GTSE1: variants seen among roughly 807,000 people sequenced by gnomAD.
GTSE1 encodes G2 and S phase-expressed protein 1.
In GTSE1, 52 loss-of-function variants were observed where a neutral mutation model predicts 60.5. The observed-to-expected ratio is 0.86, with a 90% CI of 0.69 to 1.08. The LOEUF is 1.08. Ranked by LOEUF, GTSE1 falls within the 50% of genes least tolerant of loss-of-function variation. The probability of loss-of-function intolerance (pLI) is 0.00; values close to 1 mark genes in which losing one functional copy is unlikely to be tolerated. For missense variants in GTSE1, 937 were observed against 961.8 expected, an observed-to-expected ratio of 0.97 and a Z score of 0.34; for synonymous variants, 368 against 386.5, an observed-to-expected ratio of 0.95 and a Z score of 0.56.
intron 8 of GTSE1, 66 bp from the exon 9 acceptor site, chr22:46,326,370 C>A: frequency 1.5e-6 from 2 of 1,355,574 alleles, no homozygotes; most frequent in Non-Finnish European, 2.1e-6. Flanking sequence ...TTAGCACAGG[C>A]TGAATGATGA....
rs1201299034 is a variant in GTSE1 at position 46,320,398 on chromosome 22, C to T, written c.1433-2792C>T. Among the ~76,000 whole-genome samples, 2 of 152,144 alleles carry T rather than the reference C, an allele frequency of 1.3e-5. No homozygotes were observed. The highest frequency in any genetic ancestry group is 6.5e-5 in the Admixed American group (1 of 15,288). ...TTCATCAGGGTCAAAACTGGTCCCA[C>T]AAACTCAGCACTGGCCGGAAGAGAG... On this transcript the variant is annotated intron_variant, in intron 7 of 11. Transcript: ENST00000454366. The surrounding 1 kb of genome is among the most constrained non-coding windows in gnomAD (Gnocchi z 7.1).
At chr22:46,300,819 T>A (rs1019113543) in intron 2 of GTSE1, among the ~76,000 whole-genome samples, 3 of 152,230 alleles carry the variant, frequency 2.0e-5, no homozygotes, top group Non-Finnish European at 4.4e-5. Context: ...ATTAGAAGTT[T>A]CTGAAATTGA....
chr22:46,301,438 C>A (rs532783140), intron 2 of GTSE1, among the ~76,000 whole-genome samples: 32 of 151,990 alleles, frequency 2.1e-4, no homozygotes, highest in African/African-American at 7.5e-4. Context: ...TGAGTTTTGC[C>A]AGTCATATAG....
chr22:46,320,643 G>A lies in GTSE1; in HGVS notation c.1433-2547G>A, dbSNP rs1009066789. 2.5e-4 allele frequency among the ~76,000 whole-genome samples: 38 copies of A among 152,328 alleles called. No individual in the cohort carries two copies. Among genetic ancestry groups the A allele is most frequent in the African/African-American group, 8.7e-4 (36 of 41,576 alleles). ...ATATGTGCACTTTCTCAAAATACTC[G>A]AGGCAAGCAGCATTCTTTGTAAAAC... On this transcript the variant is annotated intron_variant, in intron 7 of 11. Coordinates refer to ENST00000454366, the MANE Select transcript of GTSE1 (RefSeq NM_016426.7). The surrounding 1 kb of genome is among the most constrained non-coding windows in gnomAD (Gnocchi z 7.1).
chr22:46,299,260 G>A (rs879777673), intron 2 of GTSE1, among the ~76,000 whole-genome samples: 2 of 152,230 alleles, frequency 1.3e-5, no homozygotes, highest in Admixed American at 6.5e-5. Context: ...CCTGCTCTGG[G>A]ACCGCTTTGT....
rs757557235 is a variant in GTSE1, at chr22:46,323,268, T to A, written c.1505+6T>A. The A allele has an allele frequency of 2.4e-5, 39 of 1,609,018 alleles. No homozygotes were observed. The South Asian group carries it at 3.7e-4, about 15-fold the overall frequency. On this transcript the variant is annotated splice_donor_region_variant and intron_variant, in intron 8 of 11. Transcript: ENST00000454366. ...TCGTGCACGTCAGTTGGCAGGTGAG[T>A]GACGTTGGTCCGCTTCCTCTCTTTA... is the stretch of plus-strand genomic sequence containing the variant.
Position 46,324,532 on chromosome 22 carries a change from TAA to T in GTSE1, c.1505+1271_1505+1272del, listed in dbSNP as rs1398226685. The stretch of plus-strand genomic sequence containing the variant: ...ACAGGCGCCCGCCACCACGCCCGGC[TAA>T]GTTTTTGTATTTTTAGTAGAGACGG... On this transcript the variant is annotated intron_variant, in intron 8 of 11. Coordinates refer to ENST00000454366, the MANE Select transcript of GTSE1 (RefSeq NM_016426.7). This position sits in a 1 kb window ranked among gnomAD's most constrained non-coding sequence, Gnocchi z 5.2. 1.3e-5 allele frequency among the ~76,000 whole-genome samples: 2 copies of T among 151,848 alleles called. No homozygotes were observed. Among genetic ancestry groups the T allele is most frequent in the African/African-American group, 4.8e-5 (2 of 41,320 alleles).
chr22:46,298,863 T>C (rs557857730), intron 2 of GTSE1, among the ~76,000 whole-genome samples: 1 of 152,344 alleles, frequency 6.6e-6, no homozygotes, highest in Admixed American at 6.5e-5. Context: ...CGCATCCACA[T>C]ACAGATAATG....
At chr22:46,322,052 C>T (rs191225665) in intron 7 of GTSE1, among the ~76,000 whole-genome samples, 102 of 123,026 alleles carry the variant, frequency 8.3e-4, no homozygotes, top group African/African-American at 3.1e-3. Context: ...CCAGCCTGGG[C>T]GACAGAGAGA....
chr22:46,306,427 C>T (rs574318054), intron 2 of GTSE1, among the ~76,000 whole-genome samples: 13 of 151,832 alleles, frequency 8.6e-5, no homozygotes, highest in South Asian at 6.2e-4. Flanking sequence ...GTGATCCGCC[C>T]GCCTCGGCCT....
intron 5 of GTSE1, among the ~76,000 whole-genome samples, chr22:46,312,751 TGC>T (rs940376214): frequency 1.3e-5 from 2 of 152,122 alleles, no homozygotes; most frequent in Non-Finnish European, 2.9e-5. Flanking sequence ...GGCTAGCCTC[TGC>T]CCTGGGAGCT....
Position 46,317,288 on chromosome 22 carries a change from A to G in GTSE1, c.1432+876A>G, listed in dbSNP as rs2077787073. Among the ~76,000 whole-genome samples, 1 of 152,096 alleles carries G rather than the reference A, an allele frequency of 6.6e-6. No individual in the cohort carries two copies. ...GGCCCAGCCTTTTTCCTTGAGCTAC[A>G]GTTTGGGTAGTTTCTGTTGTCAGAT... is the stretch of plus-strand genomic sequence containing the variant. On this transcript the variant is annotated intron_variant, in intron 7 of 11. Coordinates refer to ENST00000454366, the MANE Select transcript of GTSE1 (RefSeq NM_016426.7). The surrounding 1 kb of genome is among the most constrained non-coding windows in gnomAD (Gnocchi z 5.6).
intron 4 of GTSE1, among the ~76,000 whole-genome samples, chr22:46,311,043 C>A (rs1024658940): frequency 1.3e-5 from 2 of 151,644 alleles, no homozygotes; most frequent in African/African-American, 2.4e-5. Flanking sequence ...AAGGGGAGAA[C>A]CGCTAATGGG....
intron 4 of GTSE1, 43 bp downstream of exon 4, chr22:46,308,986 C>T (rs1172068951): frequency 6.4e-7 from 1 of 1,564,868 alleles, no homozygotes; most frequent in Non-Finnish European, 8.7e-7. Flanking sequence ...GCCCCCACTC[C>T]TTGCCCCTCA....
rs1182192199 is a variant in GTSE1, at chr22:46,308,567, C to G, written c.386C>G (p.Pro129Arg). The G allele has an allele frequency of 2.5e-6, 4 of 1,614,200 alleles. No homozygotes were observed. The South Asian group carries it at 3.3e-5, about 13-fold the overall frequency. ...GCCCAAGCTGCCAAGCCTGAAGACC[C>G]TCGGAGCCAGGGCGTGGAAAGATTC... ...QAAQAAKPEDPRSQGVERFIQ... is the reference protein window; with the variant it reads ...QAAQAAKPEDRRSQGVERFIQ... The change falls in exon 4 of 12, where the codon CCT (proline) becomes CGT (arginine). Residue 129 changes from proline (P) to arginine (R), a missense_variant. Physicochemically the swap from Pro to Arg is moderately radical, Grantham distance 103. Transcript: ENST00000454366.
chr22:46,329,230 A>G lies in GTSE1; in HGVS notation c.1927-128A>G. On this transcript the variant is annotated intron_variant, in intron 10 of 11. Coordinates refer to ENST00000454366, the MANE Select transcript of GTSE1 (RefSeq NM_016426.7). The surrounding 1 kb of genome is among the most constrained non-coding windows in gnomAD (Gnocchi z 6.4). ...CCCCATACAGAGCCTCCTTCCACCA[A>G]GGCCCCGCCTGATTCCTTGGCTTTC... The G allele has an allele frequency of 1.2e-6, 1 of 804,918 alleles. No homozygotes were observed. Among genetic ancestry groups the G allele is most frequent in the Admixed American group, 1.8e-5 (1 of 56,608 alleles). The allele number at this position is 804,918 out of a possible 1,614,324, so 49.9% of individuals were successfully genotyped here.
rs2077803762 is a variant in GTSE1 at position 46,320,058 on chromosome 22, G to A, written c.1433-3132G>A. Among the ~76,000 whole-genome samples the A allele has an allele frequency of 6.6e-6, 1 of 152,150 alleles. No homozygotes were observed. Among genetic ancestry groups the A allele is most frequent in the African/African-American group, 2.4e-5 (1 of 41,518 alleles). On this transcript the variant is annotated intron_variant, in intron 7 of 11. Coordinates refer to ENST00000454366, the MANE Select transcript of GTSE1 (RefSeq NM_016426.7). The surrounding 1 kb of genome is among the most constrained non-coding windows in gnomAD (Gnocchi z 7.1). The stretch of plus-strand genomic sequence containing the variant: ...GGTGGGTTCTGCAGGGACACCCTAC[G>A]GCCCAGGTCATGTGGAGGTGTGTTC...
intron 1 of GTSE1, 26 bp downstream of exon 1, chr22:46,296,957 G>A (rs993213101): frequency 4.7e-5 from 8 of 171,462 alleles, no homozygotes; most frequent in Non-Finnish European, 1.0e-4. Flanking sequence ...GGTCGGGGGC[G>A]AGGCTTGCCC....
In GTSE1 at chr22:46,313,105, G is replaced by A. The variant is rs181710532; in HGVS notation, c.928-785G>A. Among the ~76,000 whole-genome samples the A allele has an allele frequency of 1.3e-5, 2 of 150,430 alleles. No homozygotes were observed. Among genetic ancestry groups the A allele is most frequent in the African/African-American group, 4.9e-5 (2 of 40,772 alleles). On this transcript the variant is annotated intron_variant, in intron 5 of 11. Coordinates refer to ENST00000454366, the MANE Select transcript of GTSE1 (RefSeq NM_016426.7). The surrounding 1 kb of genome is among the most constrained non-coding windows in gnomAD (Gnocchi z 4.4). The stretch of plus-strand genomic sequence containing the variant: ...TTGAGCCCAGGAGGTCAAGGCTGCA[G>A]TGAGCTGTGATCATGCCACTGCATT...
Sources: gnomAD v4.1 joint callset for allele counts (sites outside exome capture counted in the v4.1 genomes callset) on GRCh38, gnomAD v4.1.1 for gene constraint, Gnocchi (gnomAD v3.1) non-coding constraint, MANE v1.5 for transcripts, NCBI Gene and HGNC (gene_info 2026-07-23, HGNC 2026-07-21) for gene names.